The following RNF13 variants were observed in gnomAD, a reference collection of about 807,000 sequenced individuals.
RNF13 encodes ring finger protein 13.
RNF13 carries 19 observed loss-of-function variants against 37.7 expected under a neutral mutation model. The ratio of observed to expected loss-of-function variants is 0.50; its 90% confidence interval spans 0.35 to 0.74. The LOEUF (loss-of-function observed/expected upper bound fraction) is 0.74, where lower values mean the gene tolerates loss of function less well. Among genes scored for constraint, RNF13 ranks in the 30% least tolerant of loss-of-function variants. RNF13 has a pLI of 0.01. For synonymous variants in RNF13, 144 were observed against 157.8 expected (o/e 0.91, Z 0.65); for missense variants, 375 against 453.0 (o/e 0.83, Z 1.56).
intron 3 of RNF13, 60 bp downstream of exon 3, chr3:149,852,656 GTTTATTA>G: frequency 1.3e-6 from 1 of 762,082 alleles, no homozygotes. Context: ...GATTTTTATT[GTTTATTA>G]TTTAAAGAAT....
At chr3:149,843,385 C>T (rs1193870050) in intron 1 of RNF13, among the ~76,000 whole-genome samples, 1 of 152,168 alleles carries the variant, frequency 6.6e-6, no homozygotes, top group African/African-American at 2.4e-5. Flanking sequence ...AAAGTATGAG[C>T]ACTAGTTGTT....
intron 8 of RNF13, among the ~76,000 whole-genome samples, chr3:149,953,181 T>G (rs1721508013): frequency 6.6e-6 from 1 of 152,102 alleles, no homozygotes; most frequent in Non-Finnish European, 1.5e-5. Context: ...TTCCTAGACT[T>G]GGGTTTTAAC....
chr3:149,909,111 G>A (rs1716719334), intron 6 of RNF13, among the ~76,000 whole-genome samples: 1 of 152,070 alleles, frequency 6.6e-6, no homozygotes, highest in Non-Finnish European at 1.5e-5. Context: ...GGGAGACCTG[G>A]GCTGACAGAA....
intron 1 of RNF13, among the ~76,000 whole-genome samples, chr3:149,832,642 A>T (rs945726026): frequency 6.6e-6 from 1 of 152,326 alleles, no homozygotes; most frequent in East Asian, 1.9e-4. Flanking sequence ...ATCTTTCATT[A>T]TAGTGACTAA....
At chr3:149,831,352 A>G (rs1367807293) in intron 1 of RNF13, among the ~76,000 whole-genome samples, 5 of 152,240 alleles carry the variant, frequency 3.3e-5, no homozygotes, top group Non-Finnish European at 5.9e-5. Flanking sequence ...CTACAGGAGC[A>G]GAACTGCCCA....
At chr3:149,867,878 G>T (rs1171277811) in intron 3 of RNF13, among the ~76,000 whole-genome samples, 1 of 151,544 alleles carries the variant, frequency 6.6e-6, no homozygotes, top group Admixed American at 6.6e-5. Flanking sequence ...TTCCTTTGTG[G>T]TTATTTTCTC....
chr3:149,817,900 C>T (rs771645719), intron 1 of RNF13, among the ~76,000 whole-genome samples: 1 of 151,008 alleles, frequency 6.6e-6, no homozygotes, highest in African/African-American at 2.4e-5. Context: ...TCTGGAGACC[C>T]TTTGTACTTG....
At chr3:149,854,461 C>T (rs920498510) in intron 3 of RNF13, among the ~76,000 whole-genome samples, 1 of 152,066 alleles carries the variant, frequency 6.6e-6, no homozygotes, top group Non-Finnish European at 1.5e-5. Flanking sequence ...ATGTATAATT[C>T]ATAAATGGTT....
intron 6 of RNF13, 141 bp from the exon 7 acceptor site, chr3:149,911,836 AT>A: frequency 1.7e-6 from 1 of 601,182 alleles, no homozygotes; most frequent in Non-Finnish European, 2.9e-6. Context: ...TGAAAGTCAT[AT>A]TTTAGAAAAT....
chr3:149,820,658 A>T (rs1719922847), intron 1 of RNF13, among the ~76,000 whole-genome samples: 1 of 152,212 alleles, frequency 6.6e-6, no homozygotes, highest in Non-Finnish European at 1.5e-5. Flanking sequence ...AAAAAAATTG[A>T]GGTAAAAATT....
chr3:149,879,820 T>C (rs1309182966), intron 4 of RNF13, among the ~76,000 whole-genome samples: 1 of 152,232 alleles, frequency 6.6e-6, no homozygotes, highest in Admixed American at 6.5e-5. Context: ...GGAAAGTCTC[T>C]TTGTAAGGCC....
chr3:149,900,506 A>G (rs868749490), intron 5 of RNF13, among the ~76,000 whole-genome samples: 5 of 152,052 alleles, frequency 3.3e-5, no homozygotes, highest in Admixed American at 6.6e-5. Context: ...CCCAGGAGTT[A>G]CAGGCTGTAG....
chr3:149,929,967 C>T (rs1719007162), intron 8 of RNF13, among the ~76,000 whole-genome samples: 1 of 152,110 alleles, frequency 6.6e-6, no homozygotes, highest in African/African-American at 2.4e-5. Context: ...GCTCTGTTGC[C>T]CAGGCTGGAG....
At chr3:149,865,818 C>T (rs953985735) in intron 3 of RNF13, among the ~76,000 whole-genome samples, 19 of 151,924 alleles carry the variant, frequency 1.3e-4, no homozygotes, top group African/African-American at 4.6e-4. Flanking sequence ...GCGTTTGTTA[C>T]AGGAAAGGGG....
intron 4 of RNF13, among the ~76,000 whole-genome samples, chr3:149,878,542 G>A (rs1008713526): frequency 2.6e-5 from 4 of 152,046 alleles, no homozygotes; most frequent in East Asian, 1.9e-4. Context: ...TTGATTATTC[G>A]ATACTGCAAA....
At chr3:149,901,959 CAATT>C (rs891348385) in intron 5 of RNF13, 109 bp from the exon 6 acceptor site, 25 of 478,858 alleles carry the variant, frequency 5.2e-5, no homozygotes, top group Non-Finnish European at 5.3e-5. Flanking sequence ...AAGCAATAGA[CAATT>C]AAAGTTGATT....
chr3:149,867,014 G>A (rs1711498674), intron 3 of RNF13, among the ~76,000 whole-genome samples: 1 of 152,134 alleles, frequency 6.6e-6, no homozygotes, highest in Admixed American at 6.5e-5. Context: ...TGGGTGAGAT[G>A]TTCTGTAAAT....
chr3:149,817,691 A>G (rs1326875976), intron 1 of RNF13, among the ~76,000 whole-genome samples: 2 of 152,064 alleles, frequency 1.3e-5, no homozygotes, highest in Non-Finnish European at 2.9e-5. Context: ...GAGGCTTACC[A>G]TTTTTCCCAT....
At chr3:149,959,489 G>A (rs1208166283) in intron 8 of RNF13, among the ~76,000 whole-genome samples, 1 of 152,164 alleles carries the variant, frequency 6.6e-6, no homozygotes, top group Non-Finnish European at 1.5e-5. Context: ...GAATACCTAT[G>A]TGCCTGGCCC....
Sources: gnomAD v4.1 joint callset for allele counts (sites outside exome capture counted in the v4.1 genomes callset) on GRCh38, gnomAD v4.1.1 for gene constraint, MANE v1.5 for transcripts, NCBI Gene and HGNC (gene_info 2026-07-23, HGNC 2026-07-21) for gene names.